The following SMC3 variants were observed in gnomAD, a reference collection of about 807,000 sequenced individuals.
The protein encoded by SMC3 is structural maintenance of chromosomes protein 3.
SMC3 carries 20 observed loss-of-function variants against 171.8 expected under a neutral mutation model. The observed-to-expected ratio is 0.12, with a 90% CI of 0.08 to 0.17. The LOEUF (loss-of-function observed/expected upper bound fraction) is 0.17, where lower values mean the gene tolerates loss of function less well. Ranked by LOEUF, SMC3 falls within the 10% of genes least tolerant of loss-of-function variation. The pLI, the probability that SMC3 is intolerant of heterozygous loss-of-function variation, is 1.00. For missense variants in SMC3, 543 were observed against 1,420.4 expected (o/e 0.38, Z 9.93); for synonymous variants, 464 against 451.1 (o/e 1.03, Z -0.36).
At chr10:110,569,819 T>C (rs1323616718) in intron 2 of SMC3, among the ~76,000 whole-genome samples, 2 of 152,226 alleles carry the variant, frequency 1.3e-5, no homozygotes, top group Non-Finnish European at 2.9e-5. Flanking sequence ...TCATTATAGA[T>C]TGCTCAGATT....
At position 110,584,192 on chromosome 10, in the gene SMC3, A is replaced by G. The variant is rs761892325; in HGVS notation, c.1101A>G (p.Gln367=). 2 of 1,612,636 alleles carry G rather than the reference A, an allele frequency of 1.2e-6. No individual in the cohort carries two copies. The highest frequency in any genetic ancestry group is 1.3e-5 in the African/African-American group (1 of 74,380). The change falls in exon 13 of 29, where the codon CAA becomes CAG. Residue 367 remains glutamine (Q), a synonymous_variant. Transcript: ENST00000361804. ...CTTCTATTTTGTGTAGATTGGCTCA[A>G]GCTACCCAGGAAAGAACGGATCTTT... ...KEERGIARLA[Q]ATQERTDLYA...
intron 2 of SMC3, among the ~76,000 whole-genome samples, chr10:110,572,792 A>G (rs1007087160): frequency 6.6e-6 from 1 of 152,098 alleles, no homozygotes; most frequent in Non-Finnish European, 1.5e-5. Flanking sequence ...CTCCTTTCAC[A>G]TTTACAACTT....
chr10:110,583,808 T>G (rs762950225), intron 11 of SMC3, 33 bp from the exon 12 acceptor site: 2 of 1,608,692 alleles, frequency 1.2e-6, no homozygotes, highest in South Asian at 2.2e-5. Context: ...TGCAAAAAAT[T>G]TAAAGCAGTT....
chr10:110,569,084 A>G (rs1860827525), intron 2 of SMC3, 71 bp downstream of exon 2: 2 of 965,774 alleles, frequency 2.1e-6, no homozygotes, highest in Non-Finnish European at 3.4e-6. Flanking sequence ...CCATTTCTAT[A>G]TTGGCTTAAG....
chr10:110,582,707 C>A, intron 10 of SMC3, 65 bp downstream of exon 10: 1 of 1,259,740 alleles, frequency 7.9e-7, no homozygotes, highest in East Asian at 2.4e-5. Flanking sequence ...CTTGTTCTGT[C>A]ATCCAGGCTG....
intron 18 of SMC3, among the ~76,000 whole-genome samples, chr10:110,594,140 G>T (rs1037513556): frequency 5.9e-5 from 9 of 151,354 alleles, no homozygotes; most frequent in African/African-American, 2.2e-4. Context: ...TTTTTGCAGT[G>T]TGGACTGCTT....
chr10:110,591,495 T>G (rs1383444795), intron 17 of SMC3, among the ~76,000 whole-genome samples: 1 of 152,078 alleles, frequency 6.6e-6, no homozygotes, highest in Non-Finnish European at 1.5e-5. Context: ...ATAATTAAGG[T>G]TAGGGAGTTG....
At chr10:110,591,203 C>T (rs746001390) in intron 17 of SMC3, 71 bp downstream of exon 17, 1 of 1,427,660 alleles carries the variant, frequency 7.0e-7, no homozygotes, top group Non-Finnish European at 9.8e-7. Flanking sequence ...CTAACACATG[C>T]TAGTGCCCAG....
At chr10:110,581,794 G>A in intron 8 of SMC3, 129 bp from the exon 9 acceptor site, 2 of 943,396 alleles carry the variant, frequency 2.1e-6, no homozygotes, top group South Asian at 1.5e-5. Context: ...TTTAAATTGG[G>A]TTACCACATC....
Position 110,598,128 on chromosome 10 carries a change from G to A in SMC3, c.2117-11G>A, listed in dbSNP as rs1216731026. ...TACAACCTGGAGATAATTTTCCTTAGCCTTGTATATGGATTAATAATGAAA... is the reference window on the plus strand; with the variant it reads ...TACAACCTGGAGATAATTTTCCTTAACCTTGTATATGGATTAATAATGAAA... On this transcript the variant is annotated splice_polypyrimidine_tract_variant and intron_variant, in intron 19 of 28. Coordinates refer to ENST00000361804, the MANE Select transcript of SMC3 (RefSeq NM_005445.4). 1 of 1,612,624 alleles carries A rather than the reference G, an allele frequency of 6.2e-7. No homozygotes were observed. Among genetic ancestry groups the A allele is most frequent in the Non-Finnish European group, 8.5e-7 (1 of 1,179,172 alleles).
At chr10:110,574,304 C>G (rs1860915505) in intron 3 of SMC3, among the ~76,000 whole-genome samples, 1 of 152,186 alleles carries the variant, frequency 6.6e-6, no homozygotes, top group African/African-American at 2.4e-5. Flanking sequence ...CAAAAATTCT[C>G]TCTAAATTGC....
chr10:110,595,938 TTA>T (rs1491485719), intron 18 of SMC3, among the ~76,000 whole-genome samples: 437 of 143,848 alleles, frequency 3.0e-3, no homozygotes, highest in Non-Finnish European at 4.9e-3. Flanking sequence ...TTTTTTTTTT[TTA>T]AAGACTGCAA....
chr10:110,587,793 AC>A (rs1234719651), intron 13 of SMC3, among the ~76,000 whole-genome samples: 1 of 152,144 alleles, frequency 6.6e-6, no homozygotes, highest in Non-Finnish European at 1.5e-5. Context: ...ATTTAGGAAA[AC>A]TGACTCTTCA....
intron 10 of SMC3, among the ~76,000 whole-genome samples, chr10:110,583,115 C>T (rs970795370): frequency 6.6e-6 from 1 of 151,882 alleles, no homozygotes; most frequent in Non-Finnish European, 1.5e-5. Context: ...TGGTTTTGAA[C>T]TCCTGGGTTC....
At chr10:110,601,584 A>T in intron 23 of SMC3, 53 bp from the exon 24 acceptor site, 2 of 1,575,048 alleles carry the variant, frequency 1.3e-6, no homozygotes, top group East Asian at 4.5e-5. Context: ...TACTCAACAT[A>T]TAACACTGGC....
Position 110,582,931 on chromosome 10 carries a change from GT to G in SMC3, c.804+305del, listed in dbSNP as rs59010687. Among the ~76,000 whole-genome samples, 406 of 136,214 alleles carry G rather than the reference GT, an allele frequency of 3.0e-3. 1 individual carries two copies. The highest frequency in any genetic ancestry group is 4.8e-3 in the Non-Finnish European group (307 of 63,570). 89.4% of individuals were successfully genotyped at this position (136,214 alleles called of 152,430 possible). A position where few individuals can be genotyped will look rare whatever the true frequency, so the allele number is the denominator to read the frequency against. On this transcript the variant is annotated intron_variant, in intron 10 of 28. Transcript: ENST00000361804. Reference sequence around the variant, plus strand: ...GGTCCTTCTGCCTCAGCCTCCTGAAGTTTTTTTTTTTTTTTTGGAAGACAGG... The same window carrying G: ...GGTCCTTCTGCCTCAGCCTCCTGAAGTTTTTTTTTTTTTTTGGAAGACAGG...
chr10:110,589,856 TTTAAAA>T lies in SMC3; in HGVS notation c.1410-30_1410-25del, dbSNP rs147070453. 4,211 of 1,592,840 alleles carry T rather than the reference TTTAAAA, an allele frequency of 2.6e-3. 5 individuals are homozygous for T. The highest frequency in any genetic ancestry group is 3.3e-3 in the Non-Finnish European group (3,878 of 1,160,832). ...TACTGTTAATGCATCCTCATATGTGTTTAAAATTAAAGACAGTCTACTTTTTATTTA... is the reference window on the plus strand; with the variant it reads ...TACTGTTAATGCATCCTCATATGTGTTTAAAGACAGTCTACTTTTTATTTA... On this transcript the variant is annotated intron_variant, in intron 14 of 28. Coordinates refer to ENST00000361804, the MANE Select transcript of SMC3 (RefSeq NM_005445.4).
intron 23 of SMC3, 33 bp downstream of exon 23, chr10:110,601,163 T>A (rs377157845): frequency 9.0e-5 from 131 of 1,451,906 alleles, no homozygotes; most frequent in Middle Eastern, 5.2e-4. Flanking sequence ...TTTGTTTATA[T>A]GCATGTTTTA....
intron 18 of SMC3, among the ~76,000 whole-genome samples, chr10:110,595,917 CTTTTTTTTTT>C (rs10639343): frequency 2.0e-5 from 2 of 101,612 alleles, no homozygotes; most frequent in African/African-American, 7.9e-5. Flanking sequence ...ACTGGAGGTT[CTTTTTTTTTT>C]TTTTTTTTTT....
Sources: gnomAD v4.1 joint callset for allele counts (sites outside exome capture counted in the v4.1 genomes callset) on GRCh38, gnomAD v4.1.1 for gene constraint, MANE v1.5 for transcripts, NCBI Gene and HGNC (gene_info 2026-07-23, HGNC 2026-07-21) for gene names.